Variants in FHAD1 observed in about 807,000 individuals in gnomAD.
FHAD1 encodes forkhead associated phosphopeptide binding domain 1.
Under a neutral mutation model 191.3 loss-of-function variants are expected in FHAD1, and 146 were observed. That is an observed-to-expected ratio of 0.76 (90% CI 0.67 to 0.88). The LOEUF is 0.88. Among genes scored for constraint, FHAD1 ranks in the 40% least tolerant of loss-of-function variants. The probability of loss-of-function intolerance (pLI) is 0.00; values close to 1 mark genes in which losing one functional copy is unlikely to be tolerated. For missense variants in FHAD1, 1,635 were observed against 1,785.8 expected (o/e 0.92, Z 1.52); for synonymous variants, 616 against 672.3 (o/e 0.92, Z 1.29).
chr1:15,246,708 G>A (rs1646082174), upstream of FHAD1, among the ~76,000 whole-genome samples: 1 of 152,134 alleles, frequency 6.6e-6, no homozygotes, highest in Admixed American at 6.5e-5. Flanking sequence ...AGGATTGTGA[G>A]TTTGGAAATA....
intron 6 of FHAD1, among the ~76,000 whole-genome samples, chr1:15,306,044 G>A (rs949442838): frequency 3.3e-5 from 5 of 152,232 alleles, no homozygotes; most frequent in Non-Finnish European, 7.3e-5. Context: ...GAACTTTCTA[G>A]AGACTTGCTG....
At chr1:15,299,474 T>G (rs566320320) in intron 5 of FHAD1, among the ~76,000 whole-genome samples, 1 of 152,314 alleles carries the variant, frequency 6.6e-6, no homozygotes, top group East Asian at 1.9e-4. Context: ...AGCAAGAGCT[T>G]CTTCCTCTTT....
At chr1:15,371,164 C>G (rs929684879) in intron 26 of FHAD1, among the ~76,000 whole-genome samples, 3 of 152,138 alleles carry the variant, frequency 2.0e-5, no homozygotes, top group Admixed American at 2.0e-4. Flanking sequence ...GAACCTGACC[C>G]ATATTCATTC....
At chr1:15,307,861 GC>G (rs1182834465) in intron 6 of FHAD1, among the ~76,000 whole-genome samples, 1 of 151,998 alleles carries the variant, frequency 6.6e-6, no homozygotes, top group Non-Finnish European at 1.5e-5. Context: ...CTCCCGAGTA[GC>G]TGGGACTACA....
chr1:15,375,215 A>G (rs573072731), intron 27 of FHAD1, among the ~76,000 whole-genome samples: 1 of 152,268 alleles, frequency 6.6e-6, no homozygotes, highest in African/African-American at 2.4e-5. Flanking sequence ...ATACTGTCTA[A>G]GGATCAATGT....
intron 26 of FHAD1, among the ~76,000 whole-genome samples, chr1:15,374,206 C>T (rs1325987377): frequency 6.6e-6 from 1 of 151,920 alleles, no homozygotes; most frequent in African/African-American, 2.4e-5. Context: ...AGCATGACAG[C>T]GAATGGAAAC....
At chr1:15,298,939 C>T (rs1268125548) in intron 5 of FHAD1, among the ~76,000 whole-genome samples, 1 of 151,300 alleles carries the variant, frequency 6.6e-6, no homozygotes, top group Non-Finnish European at 1.5e-5. Context: ...GGAGGCCAAG[C>T]AGGAGGATCA....
intron 14 of FHAD1, among the ~76,000 whole-genome samples, chr1:15,336,834 T>G (rs1465244275): frequency 6.6e-6 from 1 of 152,200 alleles, no homozygotes; most frequent in African/African-American, 2.4e-5. Flanking sequence ...CCAACGCTCT[T>G]CATTCTCTTT....
intron 25 of FHAD1, 108 bp downstream of exon 25, chr1:15,367,730 T>A: frequency 1.2e-6 from 1 of 850,520 alleles, no homozygotes; most frequent in Non-Finnish European, 1.8e-6. Flanking sequence ...GTTGAATGAA[T>A]GAATGATATG....
At chr1:15,358,396 C>G in intron 21 of FHAD1, 113 bp downstream of exon 21, 2 of 1,043,564 alleles carry the variant, frequency 1.9e-6, no homozygotes, top group Non-Finnish European at 2.8e-6. Flanking sequence ...TGCTGATGTT[C>G]TGGGCCAAGT....
In FHAD1 at chr1:15,259,699, G is replaced by A. The variant is rs1177748721; in HGVS notation, c.93+7822G>A. 5.9e-5 allele frequency among the ~76,000 whole-genome samples: 9 copies of A among 152,250 alleles called. No individual in the cohort carries two copies. The South Asian group carries it at 1.5e-3, about 25-fold the overall frequency. Reference sequence around the variant, plus strand: ...CTCAGTGTGGGATTGGGGTAAAGAGGAAATGTCGACCCAGGCTGCAGGTGT... The same window carrying A: ...CTCAGTGTGGGATTGGGGTAAAGAGAAAATGTCGACCCAGGCTGCAGGTGT... On this transcript the variant is annotated intron_variant, in intron 2 of 33. Coordinates refer to ENST00000688493, the MANE Select transcript of FHAD1 (RefSeq NM_001391957.1).
chr1:15,308,822 C>T (rs1671367017), intron 7 of FHAD1, 86 bp downstream of exon 7: 2 of 1,525,972 alleles, frequency 1.3e-6, no homozygotes, highest in Non-Finnish European at 1.8e-6. Context: ...CAACCACATA[C>T]TTTTTGTTAC....
chr1:15,293,475 T>C (rs1017275933), intron 4 of FHAD1, among the ~76,000 whole-genome samples: 5 of 152,206 alleles, frequency 3.3e-5, no homozygotes, highest in Middle Eastern at 3.2e-3. Context: ...ATCTCAGCAC[T>C]TTGGGAGGCC....
Position 15,311,508 on chromosome 1 carries a change from G to A in FHAD1, c.1040-1549G>A, listed in dbSNP as rs11809847. 0.31 allele frequency among the ~76,000 whole-genome samples: 47,342 copies of A among 152,078 alleles called. 8,213 individuals are homozygous for A. The highest frequency in any genetic ancestry group is 0.48 in the South Asian group (2,305 of 4,804). On this transcript the variant is annotated intron_variant, in intron 7 of 33. Coordinates refer to ENST00000688493, the MANE Select transcript of FHAD1 (RefSeq NM_001391957.1). The surrounding 1 kb of genome is among the most constrained non-coding windows in gnomAD (Gnocchi z 4.1). ...GGTCACTCTGGTCCCGCCTCACAAA[G>A]CATGCAGGCAAGCCCCAGAGAGAGC...
intron 20 of FHAD1, among the ~76,000 whole-genome samples, chr1:15,354,866 C>T (rs1171938102): frequency 6.6e-6 from 1 of 152,166 alleles, no homozygotes; most frequent in Non-Finnish European, 1.5e-5. Context: ...TTAGAGGATT[C>T]TGCAAGAAGC....
upstream of FHAD1, among the ~76,000 whole-genome samples, chr1:15,246,136 T>C (rs912330867): frequency 6.6e-6 from 1 of 152,150 alleles, no homozygotes; most frequent in African/African-American, 2.4e-5. Flanking sequence ...TAACATGGTG[T>C]AGCAGGAGAG....
At chr1:15,304,026 A>T (rs1226666764) in intron 6 of FHAD1, among the ~76,000 whole-genome samples, 10 of 152,188 alleles carry the variant, frequency 6.6e-5, no homozygotes, top group Admixed American at 6.5e-4. Context: ...TTAGTCTCTT[A>T]AATATTCTAT....
chr1:15,314,853 TG>T (rs1673771864), intron 8 of FHAD1, among the ~76,000 whole-genome samples: 1 of 51,794 alleles, frequency 1.9e-5, no homozygotes, highest in Non-Finnish European at 3.9e-5. Flanking sequence ...TGAGGGGGCG[TG>T]TGGATGTGTG....
chr1:15,280,708 G>A (rs1442044563), intron 3 of FHAD1, among the ~76,000 whole-genome samples: 1 of 152,178 alleles, frequency 6.6e-6, no homozygotes, highest in Non-Finnish European at 1.5e-5. Context: ...CACTCAATCT[G>A]GCAAGACTGA....
Sources: gnomAD v4.1 joint callset for allele counts (sites outside exome capture counted in the v4.1 genomes callset) on GRCh38, gnomAD v4.1.1 for gene constraint, Gnocchi (gnomAD v3.1) non-coding constraint, MANE v1.5 for transcripts, NCBI Gene and HGNC (gene_info 2026-07-23, HGNC 2026-07-21) for gene names.